Variants in COL5A2 observed in about 807,000 individuals in gnomAD.
The protein encoded by COL5A2 is collagen alpha-2(V) chain.
Under a neutral mutation model 208.2 loss-of-function variants are expected in COL5A2, and 23 were observed. That is an observed-to-expected ratio of 0.11 (90% CI 0.08 to 0.16). The LOEUF (loss-of-function observed/expected upper bound fraction) is 0.16, where lower values mean the gene tolerates loss of function less well. COL5A2 is among the 10% of genes least tolerant of loss of function. The pLI, the probability that COL5A2 is intolerant of heterozygous loss-of-function variation, is 1.00. For missense variants in COL5A2, 1,590 were observed against 1,956.4 expected, an observed-to-expected ratio of 0.81 and a Z score of 3.53; for synonymous variants, 625 against 628.5, an observed-to-expected ratio of 0.99 and a Z score of 0.08.
At position 189,196,998 on chromosome 2, in the gene COL5A2, G is replaced by A. The variant is rs531527898; in HGVS notation, c.-42+28150C>T. Among the ~76,000 whole-genome samples, 21 of 152,110 alleles carry A rather than the reference G, an allele frequency of 1.4e-4. No homozygotes were observed. In the East Asian group the frequency reaches 2.9e-3, roughly 21 times the overall value. On this transcript the variant is annotated intron_variant, in intron 1 of 10. Transcript: ENST00000649966. ...TTCTACTATAAAGACACATACACACGTATATTTTTTTTGCAGCACTATTTA... is the reference window on the plus strand; with the variant it reads ...TTCTACTATAAAGACACATACACACATATATTTTTTTTGCAGCACTATTTA...
chr2:189,115,631 C>G (rs1218365432), intron 1 of COL5A2, among the ~76,000 whole-genome samples: 1 of 152,162 alleles, frequency 6.6e-6, no homozygotes, highest in Non-Finnish European at 1.5e-5. Context: ...TTTTAAATCT[C>G]TTATTCAGAC....
the COL5A2 span, among the ~76,000 whole-genome samples, chr2:189,335,834 T>C: frequency 6.6e-6 from 1 of 152,224 alleles, no homozygotes; most frequent in East Asian, 1.9e-4. Context: ...AATTACATAG[T>C]GGTGATGGTT....
chr2:189,354,374 C>T, the COL5A2 span, among the ~76,000 whole-genome samples: 2 of 152,092 alleles, frequency 1.3e-5, no homozygotes, highest in Non-Finnish European at 2.9e-5. Flanking sequence ...CCTCTTTTTA[C>T]CTCTTGTAGA....
chr2:189,189,741 A>G (rs1324173327), intron 1 of COL5A2, among the ~76,000 whole-genome samples: 2 of 152,148 alleles, frequency 1.3e-5, no homozygotes, highest in Non-Finnish European at 2.9e-5. Context: ...TCAAGTAATC[A>G]ATGAGTTCAC....
intron 1 of COL5A2, among the ~76,000 whole-genome samples, chr2:189,170,212 G>A (rs1045196319): frequency 6.6e-6 from 1 of 152,054 alleles, no homozygotes; most frequent in African/African-American, 2.4e-5. Context: ...CCGAGAATAT[G>A]GAAATACAAT....
chr2:189,323,921 ATAC>A, the COL5A2 span, among the ~76,000 whole-genome samples: 1 of 152,340 alleles, frequency 6.6e-6, no homozygotes, highest in Non-Finnish European at 1.5e-5. Context: ...ACTTCAAACT[ATAC>A]TACAAGGCTA....
chr2:189,112,169 A>G (rs1028982720), intron 1 of COL5A2, among the ~76,000 whole-genome samples: 3 of 152,154 alleles, frequency 2.0e-5, no homozygotes, highest in Non-Finnish European at 4.4e-5. Flanking sequence ...CTCATTGTAT[A>G]GCTTGATGCT....
the COL5A2 span, among the ~76,000 whole-genome samples, chr2:189,230,724 C>T: frequency 1.6e-4 from 25 of 151,896 alleles, no homozygotes; most frequent in African/African-American, 6.0e-4. Context: ...CAAATTGGAA[C>T]ACTTACGCAC....
chr2:189,088,371 T>C (rs1331744276), intron 8 of COL5A2, among the ~76,000 whole-genome samples: 2 of 152,222 alleles, frequency 1.3e-5, no homozygotes, highest in Admixed American at 6.5e-5. Context: ...AAAATAGTTC[T>C]GCTTTTTATT....
chr2:189,396,822 G>A, the COL5A2 span, among the ~76,000 whole-genome samples: 16 of 151,688 alleles, frequency 1.1e-4, no homozygotes, highest in East Asian at 1.6e-3. Context: ...GTGAAACACC[G>A]TCTCTACTAA....
the COL5A2 span, among the ~76,000 whole-genome samples, chr2:189,266,422 T>C: frequency 2.0e-5 from 3 of 147,876 alleles, no homozygotes; most frequent in Non-Finnish European, 4.5e-5. Flanking sequence ...CAAGACTTCA[T>C]CTCAAAAAAA....
chr2:189,230,813 C>CAT, the COL5A2 span, among the ~76,000 whole-genome samples: 1 of 151,842 alleles, frequency 6.6e-6, no homozygotes, highest in East Asian at 1.9e-4. Flanking sequence ...ATAGAGCTAC[C>CAT]ATATGATCCA....
intron 1 of COL5A2, among the ~76,000 whole-genome samples, chr2:189,200,447 C>T (rs1689055462): frequency 6.7e-6 from 1 of 149,426 alleles, no homozygotes; most frequent in African/African-American, 2.5e-5. Flanking sequence ...ATAATTTTTC[C>T]TTAACCCAGC....
At chr2:189,057,223 A>G in intron 34 of COL5A2, 97 bp downstream of exon 34, 1 of 976,108 alleles carries the variant, frequency 1.0e-6, no homozygotes, top group Non-Finnish European at 1.5e-6. Context: ...GTGACTCAGG[A>G]TGGTAGAAAT....
chr2:189,429,263 A>C, the COL5A2 span, among the ~76,000 whole-genome samples: 1 of 152,200 alleles, frequency 6.6e-6, no homozygotes, highest in Non-Finnish European at 1.5e-5. Flanking sequence ...GAAAGTGTTA[A>C]ATTTAAAAAA....
intron 18 of COL5A2, among the ~76,000 whole-genome samples, chr2:189,070,220 A>T (rs1207092313): frequency 6.6e-6 from 1 of 152,180 alleles, no homozygotes; most frequent in Non-Finnish European, 1.5e-5. Context: ...TCTGTATTTT[A>T]TCTGGCTTAT....
At chr2:189,249,419 C>T in the COL5A2 span, among the ~76,000 whole-genome samples, 43 of 152,016 alleles carry the variant, frequency 2.8e-4, no homozygotes, top group African/African-American at 9.9e-4. Context: ...GTTATAGTTT[C>T]CTATGGTAAT....
the COL5A2 span, among the ~76,000 whole-genome samples, chr2:189,327,575 C>T: frequency 1.2e-4 from 19 of 152,068 alleles, no homozygotes; most frequent in Non-Finnish European, 1.5e-5. Flanking sequence ...TATGGTGCTT[C>T]CTTTTGGTGC....
chr2:189,389,297 A>G, the COL5A2 span, among the ~76,000 whole-genome samples: 2 of 152,200 alleles, frequency 1.3e-5, no homozygotes, highest in East Asian at 1.9e-4. Context: ...ATTGATGGCC[A>G]TAATTCTATA....
Sources: allele counts gnomAD v4.1 joint callset (sites outside exome capture counted in the v4.1 genomes callset), GRCh38; gene constraint gnomAD v4.1.1; transcripts MANE v1.5; gene names NCBI Gene and HGNC (gene_info 2026-07-23, HGNC 2026-07-21).